SLC25A22: variants seen among roughly 807,000 people sequenced by gnomAD.
SLC25A22 encodes the protein solute carrier family 25 member 22, also known as mitochondrial glutamate carrier 1.
A neutral mutation model predicts 33.7 loss-of-function variants in SLC25A22; 23 were observed. The observed-to-expected ratio is 0.68, with a 90% CI of 0.49 to 0.97. The LOEUF is 0.97. Among genes scored for constraint, SLC25A22 ranks in the 50% least tolerant of loss-of-function variants. The pLI, the probability that SLC25A22 is intolerant of heterozygous loss-of-function variation, is 0.00. For missense variants in SLC25A22, 390 were observed against 451.1 expected, an observed-to-expected ratio of 0.86 and a Z score of 1.23; for synonymous variants, 245 against 203.8, an observed-to-expected ratio of 1.20 and a Z score of -1.72.
At position 791,142 on chromosome 11, in the gene SLC25A22, AGGGGG is replaced by A. The variant is rs1414912192; in HGVS notation, c.*768_*772del. 6.5e-6 allele frequency: 1 copy of A among 153,268 alleles called. No homozygotes were observed. Among genetic ancestry groups the A allele is most frequent in the African/African-American group, 2.4e-5 (1 of 41,460 alleles). The allele number at this position is 153,268 out of a possible 1,614,324, so 9.5% of individuals were successfully genotyped here. On this transcript the variant is annotated 3_prime_UTR_variant, in exon 10 of 10. Coordinates refer to ENST00000628067, the MANE Select transcript of SLC25A22 (RefSeq NM_001191061.2). ...CACAGAGCGCCTGGCCACGGCGGGA[AGGGGG>A]GCAGTCCCCAGCAGCCCCATCCCCA...
rs749350923 is a variant in SLC25A22, at chr11:792,851, C to T, written c.412+19G>A. The T allele has an allele frequency of 4.1e-6, 4 of 969,422 alleles. No homozygotes were observed. The highest frequency in any genetic ancestry group is 3.1e-5 in the East Asian group (1 of 32,532). The allele number at this position is 969,422 out of a possible 1,614,324, so 60.1% of individuals were successfully genotyped here. A position where few individuals can be genotyped will look rare whatever the true frequency, so the allele number is the denominator to read the frequency against. ...CTTCCCGCACCTCTGCCCTCTCCTC[C>T]CCCTCCCCCCGCCCTCACCAATGCG... On this transcript the variant is annotated intron_variant, in intron 6 of 9. Transcript: ENST00000628067.
At chr11:793,451 G>C in intron 5 of SLC25A22, 78 bp downstream of exon 5, 1 of 1,403,164 alleles carries the variant, frequency 7.1e-7, no homozygotes, top group Non-Finnish European at 1.0e-6. Flanking sequence ...CCCCCAGGTG[G>C]GACCCAGCTG....
rs781159233 is a variant in SLC25A22, at chr11:792,614, C to T, written c.526G>A (p.Asp176Asn). ...PRPTATQLTRDLLRSRGIAGL... is the reference protein window; with the variant it reads ...PRPTATQLTRNLLRSRGIAGL... The stretch of plus-strand genomic sequence containing the variant: ...GCAATGCCACGGCTCCGCAGCAGGT[C>T]GCGGGTCAGCTGGGTGGCCGTGGGC... The change falls in exon 7 of 10, where the codon GAC becomes AAC. Residue 176 changes from aspartate to asparagine, a missense_variant. Asp to Asn is a conservative substitution (Grantham distance 23). Coordinates refer to ENST00000628067, the MANE Select transcript of SLC25A22 (RefSeq NM_001191061.2). The T allele has an allele frequency of 4.4e-6, 7 of 1,606,446 alleles. No homozygotes were observed. Among genetic ancestry groups the T allele is most frequent in the South Asian group, 2.2e-5 (2 of 90,428 alleles).
chr11:794,350 C>G (rs781478802), intron 4 of SLC25A22, 108 bp downstream of exon 4: 90 of 1,284,518 alleles, frequency 7.0e-5, no homozygotes, highest in Non-Finnish European at 9.0e-5. Context: ...CGCTCACACA[C>G]CAGGCCCAGG....
Position 793,594 on chromosome 11 carries a change from G to A in SLC25A22, c.228C>T (p.Val76=). The A allele has an allele frequency of 6.2e-7, 1 of 1,610,970 alleles. No individual in the cohort carries two copies. The highest frequency in any genetic ancestry group is 1.7e-5 in the Admixed American group (1 of 60,016). The change falls in exon 5 of 10, where the codon GTC becomes GTT. Residue 76 remains valine, a synonymous_variant. Transcript: ENST00000628067. ...CCAGCTTGATGGCCTTCTCGGGGGTGACGAGGGTCAAGTTCACAGCAGCTC... is the reference window on the plus strand; with the variant it reads ...CCAGCTTGATGGCCTTCTCGGGGGTAACGAGGGTCAAGTTCACAGCAGCTC... ...YRGAAVNLTL[V]TPEKAIKLAA... is the part of the protein sequence containing the mutation.
chr11:795,110 G>C lies in SLC25A22; in HGVS notation c.-104C>G. The C allele has an allele frequency of 7.3e-7, 1 of 1,371,476 alleles. No homozygotes were observed. Among genetic ancestry groups the C allele is most frequent in the Non-Finnish European group, 1.0e-6 (1 of 994,596 alleles). 85.0% of individuals were successfully genotyped at this position (1,371,476 alleles called of 1,614,324 possible). ...CTTGAGGGAGGGTGGGACCCAGGGGGGTTGGGTGGTGCTCCACCTTCAGGG... is the reference window on the plus strand; with the variant it reads ...CTTGAGGGAGGGTGGGACCCAGGGGCGTTGGGTGGTGCTCCACCTTCAGGG... On this transcript the variant is annotated 5_prime_UTR_variant, in exon 2 of 10. Coordinates refer to ENST00000628067, the MANE Select transcript of SLC25A22 (RefSeq NM_001191061.2).
intron 1 of SLC25A22, chr11:795,420 G>GCT (rs1164127759): frequency 9.2e-5 from 31 of 335,558 alleles, no homozygotes; most frequent in Non-Finnish European, 6.6e-5. Context: ...CGCCGCTCAC[G>GCT]CTCGGGGCTC....
At chr11:796,772 G>A (rs1864847354) in intron 1 of SLC25A22, among the ~76,000 whole-genome samples, 1 of 152,198 alleles carries the variant, frequency 6.6e-6, no homozygotes, top group Non-Finnish European at 1.5e-5. Context: ...GCCACCCACA[G>A]GCCCTGCTCA....
At chr11:795,488 C>A in intron 1 of SLC25A22, 1 of 334,320 alleles carries the variant, frequency 3.0e-6, no homozygotes, top group Non-Finnish European at 5.9e-6. Context: ...GGGGCAGTGC[C>A]AGGGGCCGGG....
Position 794,867 on chromosome 11 carries a change from C to A in SLC25A22, c.55G>T (p.Gly19Trp). The change falls in exon 3 of 10, where the codon GGG (glycine) becomes TGG (tryptophan). Residue 19 changes from glycine (G) to tryptophan (W), a missense_variant. Transcript: ENST00000628067. ...AACACGCAGGTGACACCGATCAGCCCGGCGATGCCGCCATTGATGAGCTTG... is the reference window on the plus strand; with the variant it reads ...AACACGCAGGTGACACCGATCAGCCAGGCGATGCCGCCATTGATGAGCTTG... ...PAKLINGGIA[G>W]LIGVTCVFPI... is the part of the protein sequence containing the mutation. 1 of 1,569,364 alleles carries A rather than the reference C, an allele frequency of 6.4e-7. No homozygotes were observed. Among genetic ancestry groups the A allele is most frequent in the Non-Finnish European group, 8.6e-7 (1 of 1,157,284 alleles).
chr11:798,044 C>G (rs1054276482), intron 1 of SLC25A22, 173 bp downstream of exon 1: 13 of 398,258 alleles, frequency 3.3e-5, no homozygotes, highest in Non-Finnish European at 4.4e-5. Context: ...CGTCTCACGC[C>G]AGAGCAGCCG....
At chr11:794,601 G>T in intron 3 of SLC25A22, 88 bp from the exon 4 acceptor site, 1 of 1,554,206 alleles carries the variant, frequency 6.4e-7, no homozygotes. Flanking sequence ...GATAGAAGAG[G>T]CCAAGTCCTC....
At position 794,804 on chromosome 11, in the gene SLC25A22, G is replaced by A. The variant is rs371783469; in HGVS notation, c.118C>T (p.Gln40Ter). Residue 40 changes from glutamine (Q) to a stop codon, truncating the protein, a stop_gained, in exon 3 of 10, where the codon CAG becomes TAG. Transcript: ENST00000628067. LOFTEE classifies it high-confidence loss of function. ...DLAKTRLQNQ[Q>*]NGQRVYTSMS... ...CTCGTGTACACGCGCTGGCCGTTCT[G>A]CTGGTTCTGCAGCCTGGTCTTGGCC... 6.3e-7 allele frequency: 1 copy of A among 1,597,820 alleles called. No homozygotes were observed. Among genetic ancestry groups the A allele is most frequent in the South Asian group, 1.1e-5 (1 of 88,296 alleles).
intron 3 of SLC25A22, 104 bp downstream of exon 3, chr11:794,672 C>A: frequency 6.5e-7 from 1 of 1,536,598 alleles, no homozygotes. Context: ...GCCTGCCTCC[C>A]GTTTCCCTTC....
rs1218546591 is a variant in SLC25A22 at position 795,120 on chromosome 11, T to C, written c.-114A>G. On this transcript the variant is annotated 5_prime_UTR_variant, in exon 2 of 10. Coordinates refer to ENST00000628067, the MANE Select transcript of SLC25A22 (RefSeq NM_001191061.2). ...GGTGGGACCCAGGGGGGTTGGGTGG[T>C]GCTCCACCTTCAGGGGAATTTCCAG... The C allele has an allele frequency of 1.9e-5, 25 of 1,292,928 alleles. No individual in the cohort carries two copies. The highest frequency in any genetic ancestry group is 4.9e-4 in the Middle Eastern group (2 of 4,044). The allele number at this position is 1,292,928 out of a possible 1,614,324, so 80.1% of individuals were successfully genotyped here.
At position 794,765 on chromosome 11, in the gene SLC25A22, G is replaced by A. The variant is rs372685549; in HGVS notation, c.146+11C>T. ...CTGGGCCCACTCCCCGCGACCGCCC[G>A]GCACACTCACATGCTCGTGTACACG... On this transcript the variant is annotated intron_variant, in intron 3 of 9. Transcript: ENST00000628067. 9.7e-5 allele frequency: 155 copies of A among 1,597,224 alleles called. No individual in the cohort carries two copies. The highest frequency in any genetic ancestry group is 2.1e-4 in the Middle Eastern group (1 of 4,736).
rs994379328 is a variant in SLC25A22 at position 798,236 on chromosome 11, G to A, written c.-183C>T. The A allele has an allele frequency of 2.5e-6, 1 of 393,386 alleles. No homozygotes were observed. Among genetic ancestry groups the A allele is most frequent in the African/African-American group, 2.1e-5 (1 of 48,378 alleles). The allele number at this position is 393,386 out of a possible 1,614,324, so 24.4% of individuals were successfully genotyped here. ...ACTCACCACGCTCGCCGCCGCCGCCGCGCTCGCCTGCCCGCCCCGCGCTCG... is the reference window on the plus strand; with the variant it reads ...ACTCACCACGCTCGCCGCCGCCGCCACGCTCGCCTGCCCGCCCCGCGCTCG... On this transcript the variant is annotated 5_prime_UTR_variant, in exon 1 of 10. Coordinates refer to ENST00000628067, the MANE Select transcript of SLC25A22 (RefSeq NM_001191061.2).
chr11:793,195 G>A lies in SLC25A22; in HGVS notation c.294-207C>T, dbSNP rs540308403. Among the ~76,000 whole-genome samples the A allele has an allele frequency of 7.2e-5, 11 of 152,314 alleles. No homozygotes were observed. The South Asian group carries it at 1.2e-3, about 17-fold the overall frequency. On this transcript the variant is annotated intron_variant, in intron 5 of 9. Coordinates refer to ENST00000628067, the MANE Select transcript of SLC25A22 (RefSeq NM_001191061.2). ...GACGGCCCCACAGGCAGGGGCCTGG[G>A]GAGGGCAGTGGGGCTGTCTGCGACA...
intron 8 of SLC25A22, 25 bp from the exon 9 acceptor site, chr11:792,242 T>C: frequency 2.5e-6 from 4 of 1,612,996 alleles, no homozygotes; most frequent in Non-Finnish European, 3.4e-6. Flanking sequence ...CGGGTCAGTG[T>C]GAGCCTGGCC....
Sources: allele counts gnomAD v4.1 joint callset (sites outside exome capture counted in the v4.1 genomes callset), GRCh38; gene constraint gnomAD v4.1.1; transcripts MANE v1.5; gene names NCBI Gene and HGNC (gene_info 2026-07-23, HGNC 2026-07-21).